The following ESR1 variants were observed in gnomAD, a reference collection of about 807,000 sequenced individuals.
ESR1 encodes the protein estrogen receptor.
ESR1 carries 12 observed loss-of-function variants against 52.7 expected under a neutral mutation model. The ratio of observed to expected loss-of-function variants is 0.23; its 90% CI spans 0.15 to 0.37. The LOEUF is 0.37. ESR1 is among the 10% of genes least tolerant of loss of function. The probability of loss-of-function intolerance (pLI) is 1.00; values close to 1 mark genes in which losing one functional copy is unlikely to be tolerated. For synonymous variants in ESR1, 305 were observed against 316.8 expected (o/e 0.96, Z 0.39); for missense variants, 584 against 779.7 (o/e 0.75, Z 2.99).
At chr6:152,014,824 G>T (rs2043045081) in intron 5 of ESR1, among the ~76,000 whole-genome samples, 1 of 151,998 alleles carries the variant, frequency 6.6e-6, no homozygotes. Context: ...GCTTTCTAAG[G>T]CACAGCTGTG....
intron 6 of ESR1, among the ~76,000 whole-genome samples, chr6:152,071,246 A>G (rs2048332957): frequency 7.1e-6 from 1 of 140,216 alleles, no homozygotes; most frequent in Admixed American, 6.8e-5. Context: ...TTCTTTTTAA[A>G]TATAAAATTG....
At chr6:151,883,554 C>T (rs923906775) in intron 3 of ESR1, among the ~76,000 whole-genome samples, 2 of 151,914 alleles carry the variant, frequency 1.3e-5, no homozygotes, top group Non-Finnish European at 2.9e-5. Flanking sequence ...GATTAGGAGT[C>T]CACCCTTATG....
At chr6:151,801,318 G>A (rs1197277743), upstream of ESR1, among the ~76,000 whole-genome samples, 1 of 152,148 alleles carries the variant, frequency 6.6e-6, no homozygotes, top group African/African-American at 2.4e-5. Flanking sequence ...TCTATTACAT[G>A]CAACATAGGT....
chr6:151,953,517 T>G (rs2036555756), intron 4 of ESR1, among the ~76,000 whole-genome samples: 1 of 151,836 alleles, frequency 6.6e-6, no homozygotes, highest in African/African-American at 2.4e-5. Flanking sequence ...GGTCAAGAGA[T>G]CAAGATCATC....
At chr6:152,026,090 A>G (rs1353625739) in intron 5 of ESR1, among the ~76,000 whole-genome samples, 1 of 152,044 alleles carries the variant, frequency 6.6e-6, no homozygotes, top group Non-Finnish European at 1.5e-5. Flanking sequence ...CTTGTATTAC[A>G]ATTATTACTG....
intron 4 of ESR1, among the ~76,000 whole-genome samples, chr6:151,946,195 T>C (rs1398517592): frequency 6.6e-6 from 1 of 152,252 alleles, no homozygotes; most frequent in African/African-American, 2.4e-5. Flanking sequence ...AAGAAACTAA[T>C]GGTCATATAT....
intron 3 of ESR1, among the ~76,000 whole-genome samples, chr6:151,929,982 AC>A (rs1181944374): frequency 2.0e-5 from 3 of 150,112 alleles, no homozygotes; most frequent in African/African-American, 7.3e-5. Context: ...TATTAACTAT[AC>A]TTCTTTTTTT....
intron 4 of ESR1, among the ~76,000 whole-genome samples, chr6:151,967,619 A>G (rs955567978): frequency 5.3e-5 from 8 of 152,148 alleles, no homozygotes; most frequent in Admixed American, 1.3e-4. Context: ...AGTCTTTGCT[A>G]TTGTGAATAG....
Position 152,043,306 on chromosome 6 carries a change from C to G in ESR1, c.1236-17685C>G, listed in dbSNP as rs141003362. 3.0e-3 allele frequency among the ~76,000 whole-genome samples: 462 copies of G among 152,288 alleles called. 5 individuals carry two copies. The highest frequency in any genetic ancestry group is 0.011 in the African/African-American group (437 of 41,558). On this transcript the variant is annotated intron_variant, in intron 5 of 7. Coordinates refer to ENST00000206249, the MANE Select transcript of ESR1 (RefSeq NM_000125.4). The stretch of plus-strand genomic sequence containing the variant: ...AGCTGCAACATTAAATGCAGAATTC[C>G]TGCTTAGTGGGCCCAAATCAATCAA...
intron 5 of ESR1, among the ~76,000 whole-genome samples, chr6:152,040,386 C>T (rs2045687558): frequency 6.6e-6 from 1 of 152,200 alleles, no homozygotes; most frequent in Non-Finnish European, 1.5e-5. Context: ...TCCTCCTCTG[C>T]TGAGGTCATC....
Position 152,099,497 on chromosome 6 carries a change from T to C in ESR1, c.*531T>C, listed in dbSNP as rs1377882062. On this transcript the variant is annotated 3_prime_UTR_variant, in exon 8 of 8. Transcript: ENST00000206249. ...CATCCTTTTATGAAAGTGGTACACC[T>C]TAAAGCTTTTATATGACTGTAGCAG... 3.8e-6 allele frequency: 1 copy of C among 265,112 alleles called. No individual in the cohort carries two copies. The highest frequency in any genetic ancestry group is 7.4e-6 in the Non-Finnish European group (1 of 135,914). The allele number at this position is 265,112 out of a possible 1,614,324, so 16.4% of individuals were successfully genotyped here.
intron 2 of ESR1, among the ~76,000 whole-genome samples, chr6:151,771,733 G>T (rs963519652): frequency 1.3e-5 from 2 of 152,052 alleles, no homozygotes; most frequent in Non-Finnish European, 2.9e-5. Context: ...GGGGAGTGAG[G>T]TTAGGAAAAG....
At chr6:151,723,748 A>G (rs1781631372) in intron 2 of ESR1, among the ~76,000 whole-genome samples, 1 of 152,012 alleles carries the variant, frequency 6.6e-6, no homozygotes, top group African/African-American at 2.4e-5. Flanking sequence ...GCATTCCTGT[A>G]ATCCTTAGCT....
intron 1 of ESR1, among the ~76,000 whole-genome samples, chr6:151,835,746 A>G (rs942495974): frequency 2.0e-5 from 3 of 152,278 alleles, no homozygotes; most frequent in South Asian, 2.1e-4. Flanking sequence ...AAAGAGACCA[A>G]TGCTAGTTGG....
At chr6:151,658,848 A>C (rs1220450173) in intron 1 of ESR1, among the ~76,000 whole-genome samples, 1 of 152,220 alleles carries the variant, frequency 6.6e-6, no homozygotes, top group Non-Finnish European at 1.5e-5. Flanking sequence ...ATCTAAGATC[A>C]CAAAGCTAGT....
At chr6:152,009,785 G>T (rs1053086415) in intron 4 of ESR1, among the ~76,000 whole-genome samples, 1 of 152,072 alleles carries the variant, frequency 6.6e-6, no homozygotes, top group African/African-American at 2.4e-5. Context: ...TAAATAAATT[G>T]CTCCTAGCAG....
chr6:151,915,836 C>T (rs2029962454), intron 3 of ESR1, among the ~76,000 whole-genome samples: 2 of 147,400 alleles, frequency 1.4e-5, no homozygotes, highest in Non-Finnish European at 3.0e-5. Flanking sequence ...ACTGGAGGCT[C>T]CTTTCTCTCT....
At chr6:151,749,820 G>C (rs1783769470) in intron 2 of ESR1, among the ~76,000 whole-genome samples, 1 of 152,122 alleles carries the variant, frequency 6.6e-6, no homozygotes, top group Non-Finnish European at 1.5e-5. Context: ...GCTAGACAGA[G>C]CTCTGTCAAC....
At chr6:151,684,501 AC>A (rs1434771035) in intron 1 of ESR1, among the ~76,000 whole-genome samples, 1 of 152,170 alleles carries the variant, frequency 6.6e-6, no homozygotes, top group Non-Finnish European at 1.5e-5. Flanking sequence ...CAATTAGGAC[AC>A]CATTGCAAAA....
Sources: gnomAD v4.1 joint callset for allele counts (sites outside exome capture counted in the v4.1 genomes callset) on GRCh38, gnomAD v4.1.1 for gene constraint, MANE v1.5 for transcripts, NCBI Gene and HGNC (gene_info 2026-07-23, HGNC 2026-07-21) for gene names.